ADAMTS3: variants seen among roughly 807,000 people sequenced by gnomAD.
ADAMTS3 encodes A disintegrin and metalloproteinase with thrombospondin motifs 3.
In ADAMTS3, 73 loss-of-function variants were observed where a neutral mutation model predicts 129.0. The observed-to-expected ratio is 0.57, with a 90% CI of 0.47 to 0.69. The LOEUF (loss-of-function observed/expected upper bound fraction) is 0.69, where lower values mean the gene tolerates loss of function less well. ADAMTS3 is among the 30% of genes least tolerant of loss of function. The probability of loss-of-function intolerance (pLI) is 0.00; values close to 1 mark genes in which losing one functional copy is unlikely to be tolerated. For synonymous variants in ADAMTS3, 477 were observed against 510.8 expected (o/e 0.93, Z 0.89); for missense variants, 1,457 against 1,514.5 (o/e 0.96, Z 0.63).
intron 17 of ADAMTS3, among the ~76,000 whole-genome samples, chr4:72,303,143 G>A (rs147914440): frequency 2.6e-5 from 4 of 152,106 alleles, no homozygotes; most frequent in Non-Finnish European, 5.9e-5. Context: ...CTGACCCACA[G>A]ACTCTCTTCT....
intron 4 of ADAMTS3, among the ~76,000 whole-genome samples, chr4:72,414,440 T>G (rs868690669): frequency 6.6e-6 from 1 of 152,018 alleles, no homozygotes; most frequent in South Asian, 2.1e-4. Context: ...AGCAACTGTT[T>G]GCCATCCTAG....
chr4:72,470,962 A>G (rs1046575242), intron 3 of ADAMTS3, among the ~76,000 whole-genome samples: 2 of 152,214 alleles, frequency 1.3e-5, no homozygotes, highest in Admixed American at 1.3e-4. Flanking sequence ...TCTATCGCAT[A>G]CCAAACTACA....
In ADAMTS3 at chr4:72,319,968, A is replaced by G. The variant is rs1462311371; in HGVS notation, c.1103-5T>C. The G allele has an allele frequency of 1.2e-6, 2 of 1,603,868 alleles. No homozygotes were observed. The highest frequency in any genetic ancestry group is 1.3e-5 in the African/African-American group (1 of 74,716). Reference sequence around the variant, plus strand: ...TGCCGGTGACTGGAGCATATCCTGTAGAGAATAACAATTACTTTTATTTTC... The same window carrying G: ...TGCCGGTGACTGGAGCATATCCTGTGGAGAATAACAATTACTTTTATTTTC... On this transcript the variant is annotated splice_polypyrimidine_tract_variant and splice_region_variant and intron_variant, in intron 7 of 21. Coordinates refer to ENST00000286657, the MANE Select transcript of ADAMTS3 (RefSeq NM_014243.3).
At chr4:72,316,726 TTATAA>T (rs1327418135) in intron 10 of ADAMTS3, among the ~76,000 whole-genome samples, 25 of 151,704 alleles carry the variant, frequency 1.6e-4, no homozygotes, top group African/African-American at 5.5e-4. Flanking sequence ...TCATAAATAC[TTATAA>T]TTAATTGACT....
At chr4:72,437,918 A>G (rs1287243597) in intron 3 of ADAMTS3, among the ~76,000 whole-genome samples, 1 of 151,790 alleles carries the variant, frequency 6.6e-6, no homozygotes, top group Admixed American at 6.6e-5. Context: ...AACACCCTCG[A>G]TAAGATTTTT....
intron 2 of ADAMTS3, among the ~76,000 whole-genome samples, chr4:72,564,957 A>G (rs887106825): frequency 2.0e-5 from 3 of 152,312 alleles, no homozygotes; most frequent in Admixed American, 6.5e-5. Flanking sequence ...CACCTTTCAT[A>G]ACGGGAGAAT....
chr4:72,464,051 C>T (rs189008732), intron 3 of ADAMTS3, among the ~76,000 whole-genome samples: 57 of 152,096 alleles, frequency 3.7e-4, no homozygotes, highest in African/African-American at 1.3e-3. Context: ...AGGTGCTACT[C>T]CATCTAAAAA....
intron 4 of ADAMTS3, among the ~76,000 whole-genome samples, chr4:72,403,184 C>G (rs1216953379): frequency 1.3e-5 from 2 of 152,048 alleles, no homozygotes; most frequent in African/African-American, 4.8e-5. Flanking sequence ...GATGATCTCT[C>G]TATTTGTACT....
chr4:72,434,099 T>A (rs1722762256), intron 3 of ADAMTS3, among the ~76,000 whole-genome samples: 1 of 151,612 alleles, frequency 6.6e-6, no homozygotes, highest in African/African-American at 2.4e-5. Flanking sequence ...GATGGCCACA[T>A]GAGAACAGAG....
At chr4:72,475,309 T>G (rs1397268195) in intron 3 of ADAMTS3, among the ~76,000 whole-genome samples, 4 of 151,948 alleles carry the variant, frequency 2.6e-5, no homozygotes, top group African/African-American at 9.7e-5. Flanking sequence ...AGTAAAAGAA[T>G]GCAATATATA....
At chr4:72,503,188 A>C (rs1720072184) in intron 3 of ADAMTS3, among the ~76,000 whole-genome samples, 2 of 151,736 alleles carry the variant, frequency 1.3e-5, no homozygotes, top group Admixed American at 1.3e-4. Context: ...ACGCTTGGCT[A>C]ATTTTTTGTA....
intron 3 of ADAMTS3, among the ~76,000 whole-genome samples, chr4:72,515,243 C>T (rs1194267460): frequency 6.6e-6 from 1 of 151,926 alleles, no homozygotes; most frequent in Non-Finnish European, 1.5e-5. Context: ...CATTGTTGGA[C>T]ATTTGGGTTG....
At chr4:72,328,393 G>T (rs1719751307) in intron 5 of ADAMTS3, among the ~76,000 whole-genome samples, 1 of 152,200 alleles carries the variant, frequency 6.6e-6, no homozygotes, top group Non-Finnish European at 1.5e-5. Flanking sequence ...AATCTGACCT[G>T]CTTTGTCTGA....
chr4:72,561,240 C>T (rs904780638), intron 2 of ADAMTS3, among the ~76,000 whole-genome samples: 10 of 151,998 alleles, frequency 6.6e-5, no homozygotes, highest in African/African-American at 9.7e-5. Flanking sequence ...CCCAGCTACT[C>T]GGGAGGCTGA....
chr4:72,385,201 G>A (rs1200644276), intron 4 of ADAMTS3, among the ~76,000 whole-genome samples: 1 of 151,360 alleles, frequency 6.6e-6, no homozygotes, highest in East Asian at 1.9e-4. Flanking sequence ...GAAAAGAAAA[G>A]GGGGTCAGTC....
intron 3 of ADAMTS3, among the ~76,000 whole-genome samples, chr4:72,545,254 T>A (rs1721436578): frequency 6.6e-6 from 1 of 152,118 alleles, no homozygotes; most frequent in Admixed American, 6.5e-5. Context: ...GTGAAAATGA[T>A]CAAGGACTAT....
chr4:72,316,057 C>T, intron 10 of ADAMTS3, 86 bp from the exon 11 acceptor site: 1 of 693,420 alleles, frequency 1.4e-6, no homozygotes, highest in South Asian at 3.1e-5. Context: ...TTCTTCTGTC[C>T]TGTTTCTTGG....
At chr4:72,341,351 C>T (rs1720132512) in intron 4 of ADAMTS3, among the ~76,000 whole-genome samples, 1 of 152,132 alleles carries the variant, frequency 6.6e-6, no homozygotes, top group African/African-American at 2.4e-5. Flanking sequence ...TTCTCCTCAC[C>T]AAGGAATTAC....
chr4:72,461,338 T>C (rs1718766159), intron 3 of ADAMTS3, among the ~76,000 whole-genome samples: 1 of 151,766 alleles, frequency 6.6e-6, no homozygotes, highest in Non-Finnish European at 1.5e-5. Context: ...TTACAGGGTG[T>C]TCACTAATCC....
Sources: gnomAD v4.1 joint callset for allele counts (sites outside exome capture counted in the v4.1 genomes callset) on GRCh38, gnomAD v4.1.1 for gene constraint, MANE v1.5 for transcripts, NCBI Gene and HGNC (gene_info 2026-07-23, HGNC 2026-07-21) for gene names.